The following ZNF839 variants were observed in gnomAD, a reference collection of about 807,000 sequenced individuals.
The protein encoded by ZNF839 is zinc finger protein 839.
A neutral mutation model predicts 56.4 loss-of-function variants in ZNF839; 38 were observed. The observed-to-expected ratio is 0.67, with a 90% CI of 0.52 to 0.88. The LOEUF is 0.88. ZNF839 is among the 40% of genes least tolerant of loss of function. The probability of loss-of-function intolerance (pLI) is 0.00; values close to 1 mark genes in which losing one functional copy is unlikely to be tolerated. For missense variants in ZNF839, 1,091 were observed against 1,177.6 expected, an observed-to-expected ratio of 0.93 and a Z score of 1.08; for synonymous variants, 486 against 493.5, an observed-to-expected ratio of 0.98 and a Z score of 0.20.
At position 102,326,029 on chromosome 14, in the gene ZNF839, AG is replaced by A; in HGVS notation, c.335del (p.Gly112ValfsTer46). On this transcript the variant is annotated frameshift_variant, in exon 2 of 8. Transcript: ENST00000442396. LOFTEE classifies it high-confidence loss of function. This position sits in a 1 kb window ranked among gnomAD's most constrained non-coding sequence, Gnocchi z 4.3. ...CVKVTSGETK[G>X]QERPMLLPTT... ...TCAAGGTAACGTCTGGAGAAACAAA[AG>A]GTCAGGAAAGGCCAATGCTCCTACC... is the stretch of plus-strand genomic sequence containing the variant. 2 of 1,613,436 alleles carry A rather than the reference AG, an allele frequency of 1.2e-6. No individual in the cohort carries two copies. Among genetic ancestry groups the A allele is most frequent in the Non-Finnish European group, 1.7e-6 (2 of 1,179,622 alleles).
Position 102,326,662 on chromosome 14 carries a change from T to C in ZNF839, c.966T>C (p.Tyr322=), listed in dbSNP as rs771499571. The change falls in exon 2 of 8, where the codon TAT becomes TAC. Residue 322 remains tyrosine, a synonymous_variant. Coordinates refer to ENST00000442396, the MANE Select transcript of ZNF839 (RefSeq NM_018335.6). The surrounding 1 kb of genome is among the most constrained non-coding windows in gnomAD (Gnocchi z 4.3). ...SFKCQTCEKS[Y]IGKGGLARHF... ...AGTGTCAGACTTGTGAAAAGTCATA[T>C]ATAGGGAAGGGGGGACTGGCCCGAC... The C allele has an allele frequency of 9.9e-6, 16 of 1,612,820 alleles. No individual in the cohort carries two copies. The East Asian group carries it at 3.1e-4, about 31-fold the overall frequency.
rs71116898 is a variant in ZNF839, at chr14:102,328,375, AATATATATAT to A, written c.1191+1515_1191+1524del. 7.2e-3 allele frequency among the ~76,000 whole-genome samples: 117 copies of A among 16,324 alleles called. 5 individuals carry two copies. The highest frequency in any genetic ancestry group is 8.7e-3 in the Non-Finnish European group (64 of 7,344). The allele number at this position is 16,324 out of a possible 152,430, so 10.7% of individuals were successfully genotyped here. The stretch of plus-strand genomic sequence containing the variant: ...ATCTCAAAAAAAAAAAAAAAAAAAA[AATATATATAT>A]ATATATATATATATATATATATATA... On this transcript the variant is annotated intron_variant, in intron 2 of 7. Transcript: ENST00000442396.
intron 1 of ZNF839, among the ~76,000 whole-genome samples, 187 bp from the exon 2 acceptor site, chr14:102,325,798 A>G (rs974628334): frequency 1.1e-4 from 17 of 152,294 alleles, no homozygotes; most frequent in Admixed American, 3.3e-4. Context: ...CCCAGCTTAT[A>G]TCACTGTGGT....
intron 4 of ZNF839, 86 bp downstream of exon 4, chr14:102,334,732 A>G: frequency 1.5e-6 from 1 of 681,412 alleles, no homozygotes; most frequent in Non-Finnish European, 2.2e-6. Context: ...TTATTTTTCA[A>G]TAGCCTGCAT....
At chr14:102,318,647 A>G (rs2072970640), upstream of ZNF839, among the ~76,000 whole-genome samples, 1 of 151,664 alleles carries the variant, frequency 6.6e-6, no homozygotes, top group South Asian at 2.1e-4. Context: ...AAAAAAAAAA[A>G]TTGTGGTAAG....
chr14:102,340,085 G>A (rs1219347739), intron 7 of ZNF839, among the ~76,000 whole-genome samples: 1 of 151,388 alleles, frequency 6.6e-6, no homozygotes, highest in Non-Finnish European at 1.5e-5. Context: ...CAATTCTACT[G>A]ACTCAGCCTC....
intron 2 of ZNF839, among the ~76,000 whole-genome samples, chr14:102,328,375 A>AAAAAAATATAT (rs1197718891): frequency 6.1e-5 from 1 of 16,326 alleles, no homozygotes; most frequent in African/African-American, 1.7e-4. Flanking sequence ...AAAAAAAAAA[A>AAAAAAATATAT]ATATATATAT....
chr14:102,340,530 C>A (rs947454560), intron 7 of ZNF839, among the ~76,000 whole-genome samples: 46 of 152,148 alleles, frequency 3.0e-4, no homozygotes, highest in African/African-American at 1.1e-3. Flanking sequence ...CCTCAGCCTC[C>A]CATAGTGCTA....
At chr14:102,339,266 C>T (rs1300773808) in intron 7 of ZNF839, 43 bp downstream of exon 7, 1 of 1,593,102 alleles carries the variant, frequency 6.3e-7, no homozygotes, top group Non-Finnish European at 8.5e-7. Flanking sequence ...CATGGCCTGG[C>T]AGCCCTGCTG....
At chr14:102,318,594 C>T (rs1247595016), upstream of ZNF839, among the ~76,000 whole-genome samples, 1 of 151,066 alleles carries the variant, frequency 6.6e-6, no homozygotes, top group African/African-American at 2.4e-5. Context: ...GATTGTGCCA[C>T]TGCACTCCAG....
At chr14:102,319,566 G>A, upstream of ZNF839, 1 of 585,246 alleles carries the variant, frequency 1.7e-6, no homozygotes, top group East Asian at 3.7e-5. The surrounding 1 kb of genome is among the most constrained non-coding windows in gnomAD (Gnocchi z 4.5). Flanking sequence ...AATAAGGGGG[G>A]TCCGCTCTGC....
intron 1 of ZNF839, among the ~76,000 whole-genome samples, chr14:102,320,516 G>A (rs2073073633): frequency 2.0e-5 from 3 of 152,304 alleles, no homozygotes; most frequent in Admixed American, 6.5e-5. Flanking sequence ...GGGTGGTCCC[G>A]TAGGCCAGAC....
At chr14:102,322,272 G>A (rs914465565) in intron 1 of ZNF839, among the ~76,000 whole-genome samples, 3 of 152,192 alleles carry the variant, frequency 2.0e-5, no homozygotes, top group African/African-American at 7.2e-5. Flanking sequence ...TGGAGCTTTT[G>A]AAAGGGCAGA....
chr14:102,339,022 TCACAC>T (rs1886182306), intron 6 of ZNF839, 67 bp from the exon 7 acceptor site: 1 of 1,613,426 alleles, frequency 6.2e-7, no homozygotes, highest in Admixed American at 1.7e-5. Flanking sequence ...CTTCTTCTGT[TCACAC>T]CAGGAAGAGG....
In ZNF839 at chr14:102,320,182, C is replaced by T. The variant is rs1324146428; in HGVS notation, c.288+129C>T. On this transcript the variant is annotated intron_variant, in intron 1 of 7. Coordinates refer to ENST00000442396, the MANE Select transcript of ZNF839 (RefSeq NM_018335.6). ...AGACTCAGGGCGTCCCCAGGCTGAGCTTCTTAGGGACGGCGTTCGGCCCCC... is the reference window on the plus strand; with the variant it reads ...AGACTCAGGGCGTCCCCAGGCTGAGTTTCTTAGGGACGGCGTTCGGCCCCC... 3 of 1,043,724 alleles carry T rather than the reference C, an allele frequency of 2.9e-6. No homozygotes were observed. The African/African-American group carries it at 5.1e-5, about 18-fold the overall frequency. 64.7% of individuals were successfully genotyped at this position (1,043,724 alleles called of 1,614,324 possible). A position where few individuals can be genotyped will look rare whatever the true frequency, so the allele number is the denominator to read the frequency against.
At chr14:102,339,268 G>T (rs1205758018) in intron 7 of ZNF839, 45 bp downstream of exon 7, 1 of 1,591,820 alleles carries the variant, frequency 6.3e-7, no homozygotes, top group Non-Finnish European at 8.6e-7. Context: ...TGGCCTGGCA[G>T]CCCTGCTGAC....
intron 5 of ZNF839, chr14:102,336,515 G>A (rs1333669703): frequency 1.7e-5 from 5 of 302,642 alleles, no homozygotes; most frequent in South Asian, 2.8e-5. Flanking sequence ...GGCTGGTCTC[G>A]AACTCCTGAG....
chr14:102,338,679 T>G, intron 5 of ZNF839, 137 bp from the exon 6 acceptor site: 4 of 1,169,740 alleles, frequency 3.4e-6, no homozygotes, highest in Admixed American at 2.5e-5. Context: ...TTCTCATTGT[T>G]GAGATGGCAT....
At chr14:102,325,854 T>G in intron 1 of ZNF839, 131 bp from the exon 2 acceptor site, 1 of 1,095,682 alleles carries the variant, frequency 9.1e-7, no homozygotes, top group Non-Finnish European at 1.3e-6. Flanking sequence ...TACAAACACA[T>G]TACATCAACT....
Sources: allele counts gnomAD v4.1 joint callset (sites outside exome capture counted in the v4.1 genomes callset), GRCh38; gene constraint gnomAD v4.1.1; non-coding constraint Gnocchi (gnomAD v3.1); transcripts MANE v1.5; gene names NCBI Gene and HGNC (gene_info 2026-07-23, HGNC 2026-07-21).